NCAPD2: variants seen among roughly 807,000 people sequenced by gnomAD.
NCAPD2 encodes the protein condensin complex subunit 1.
NCAPD2 carries 100 observed loss-of-function variants against 164.5 expected under a neutral mutation model. The ratio of observed to expected loss-of-function variants is 0.61; its 90% confidence interval spans 0.52 to 0.72. The LOEUF (loss-of-function observed/expected upper bound fraction) is 0.72. Ranked by LOEUF, NCAPD2 falls within the 30% of genes least tolerant of loss-of-function variation. The pLI, the probability that NCAPD2 is intolerant of heterozygous loss-of-function variation, is 0.00. For synonymous variants in NCAPD2, 585 were observed against 642.6 expected (o/e 0.91, Z 1.36); for missense variants, 1,560 against 1,749.2 (o/e 0.89, Z 1.93).
chr12:6,519,785 T>C (rs1310431057), intron 13 of NCAPD2, among the ~76,000 whole-genome samples: 2 of 152,012 alleles, frequency 1.3e-5, no homozygotes, highest in African/African-American at 4.8e-5. Flanking sequence ...GGAGAATTGC[T>C]TGAACCCAGG....
intron 2 of NCAPD2, among the ~76,000 whole-genome samples, chr12:6,504,210 T>TACATATATAC (rs1565539591): frequency 9.0e-5 from 2 of 22,116 alleles, no homozygotes; most frequent in South Asian, 9.5e-4. Context: ...TATATATATA[T>TACATATATAC]ATATATAGAT....
At chr12:6,526,750 GCCAGTTC>G in intron 21 of NCAPD2, 134 bp from the exon 22 acceptor site, 7 of 1,428,660 alleles carry the variant, frequency 4.9e-6, no homozygotes, top group Non-Finnish European at 6.7e-6. Flanking sequence ...TTGAAGTTGG[GCCAGTTC>G]CCACCCCCAA....
chr12:6,505,141 C>T (rs539100531), intron 2 of NCAPD2, among the ~76,000 whole-genome samples: 6 of 152,350 alleles, frequency 3.9e-5, no homozygotes, highest in African/African-American at 1.2e-4. Flanking sequence ...TCTCGACTCA[C>T]TGGAACCTCC....
chr12:6,510,825 T>G lies in NCAPD2; in HGVS notation c.444+15T>G, dbSNP rs1358667565. ...TTGGTGGGAAGGTAATTTGGAGTTT[T>G]GGGCTCACGTTATATGGGGTCTGGG... On this transcript the variant is annotated intron_variant, in intron 5 of 31. Coordinates refer to ENST00000315579, the MANE Select transcript of NCAPD2 (RefSeq NM_014865.4). 1.9e-6 allele frequency: 3 copies of G among 1,613,506 alleles called. No homozygotes were observed. Among genetic ancestry groups the G allele is most frequent in the African/African-American group, 2.7e-5 (2 of 74,906 alleles).
At position 6,530,034 on chromosome 12, in the gene NCAPD2, C is replaced by A; in HGVS notation, c.3837+76C>A. Reference sequence around the variant, plus strand: ...ACATCTGCCGGCCCTGGGCAGCATACGGCTCTTGCAGTCACCTTCCCGTCC... The same window carrying A: ...ACATCTGCCGGCCCTGGGCAGCATAAGGCTCTTGCAGTCACCTTCCCGTCC... On this transcript the variant is annotated intron_variant, in intron 29 of 31. Transcript: ENST00000315579. 3 of 1,498,180 alleles carry A rather than the reference C, an allele frequency of 2.0e-6. No homozygotes were observed. In the Admixed American group the frequency reaches 5.9e-5, roughly 29 times the overall value. 92.8% of individuals were successfully genotyped at this position (1,498,180 alleles called of 1,614,324 possible). A position where few individuals can be genotyped will look rare whatever the true frequency, so the allele number is the denominator to read the frequency against.
At position 6,528,292 on chromosome 12, in the gene NCAPD2, A is replaced by G. The variant is rs757688351; in HGVS notation, c.3263A>G (p.Asn1088Ser). The part of the protein sequence containing the change: ...ATGDLAIRFP[N>S]LVDPWTPHLY... ...GGGGATCTGGCCATCCGCTTTCCCA[A>G]TCTGGTGGACCCCTGGACTCCTCAT... The change falls in exon 25 of 32, where the codon AAT (asparagine) becomes AGT (serine). Residue 1088 changes from asparagine (N) to serine (S), a missense_variant. Coordinates refer to ENST00000315579, the MANE Select transcript of NCAPD2 (RefSeq NM_014865.4). This position sits in a 1 kb window ranked among gnomAD's most constrained non-coding sequence, Gnocchi z 5.1. 6 of 1,613,586 alleles carry G rather than the reference A, an allele frequency of 3.7e-6. No individual in the cohort carries two copies. Among genetic ancestry groups the G allele is most frequent in the Middle Eastern group, 1.6e-4 (1 of 6,078 alleles).
chr12:6,502,455 A>G (rs1946047004), intron 2 of NCAPD2, among the ~76,000 whole-genome samples: 1 of 152,210 alleles, frequency 6.6e-6, no homozygotes, highest in Non-Finnish European at 1.5e-5. Context: ...TCAGGTTAGT[A>G]GTCATGAGTT....
intron 4 of NCAPD2, 160 bp from the exon 5 acceptor site, chr12:6,510,469 A>G (rs776375041): frequency 1.2e-6 from 1 of 867,038 alleles, no homozygotes; most frequent in Non-Finnish European, 2.0e-6. Flanking sequence ...TGTTCAGGGT[A>G]TCAGGGCCAA....
chr12:6,517,253 A>C, intron 10 of NCAPD2, 112 bp from the exon 11 acceptor site: 2 of 1,470,210 alleles, frequency 1.4e-6, no homozygotes, highest in Non-Finnish European at 1.8e-6. Context: ...ATTCTGTAGA[A>C]AGGGTTTTTA....
At chr12:6,495,905 C>T (rs952106595) in intron 2 of NCAPD2, among the ~76,000 whole-genome samples, 2 of 152,024 alleles carry the variant, frequency 1.3e-5, no homozygotes, top group Non-Finnish European at 2.9e-5. Flanking sequence ...GCCTTGGTTT[C>T]GTCATCTGTA....
intron 3 of NCAPD2, 97 bp from the exon 4 acceptor site, chr12:6,509,978 T>A (rs1946131000): frequency 7.2e-7 from 1 of 1,396,492 alleles, no homozygotes. Context: ...TTCACGTGTA[T>A]TTTTAAACAT....
chr12:6,522,104 T>A, intron 15 of NCAPD2, 67 bp downstream of exon 15: 1 of 1,537,402 alleles, frequency 6.5e-7, no homozygotes, highest in South Asian at 1.2e-5. Flanking sequence ...TTTTTTAAAT[T>A]TTTATTAACA....
chr12:6,517,030 C>T lies in NCAPD2; in HGVS notation c.1185+5C>T, dbSNP rs1946208382. The T allele has an allele frequency of 6.2e-7, 1 of 1,613,896 alleles. No individual in the cohort carries two copies. The highest frequency in any genetic ancestry group is 1.7e-5 in the Admixed American group (1 of 60,004). On this transcript the variant is annotated splice_donor_5th_base_variant and intron_variant, in intron 10 of 31. Transcript: ENST00000315579. Reference sequence around the variant, plus strand: ...ACCCGAATTGTCCAGCAGAAGGTAACCAACTTCTATGTGGCAAAAACATAT... The same window carrying T: ...ACCCGAATTGTCCAGCAGAAGGTAATCAACTTCTATGTGGCAAAAACATAT...
chr12:6,515,926 T>C (rs937956345), intron 9 of NCAPD2, among the ~76,000 whole-genome samples: 1 of 152,130 alleles, frequency 6.6e-6, no homozygotes, highest in Non-Finnish European at 1.5e-5. Context: ...GTGTGGTGGC[T>C]CACGCCTGTA....
intron 16 of NCAPD2, 72 bp downstream of exon 16, chr12:6,523,074 A>C: frequency 1.9e-6 from 3 of 1,567,204 alleles, no homozygotes; most frequent in Admixed American, 1.7e-5. Context: ...TTGTCTCCTA[A>C]AGGAAGAGGT....
At chr12:6,529,241 A>T (rs1035875267) in intron 27 of NCAPD2, 1 of 616,276 alleles carries the variant, frequency 1.6e-6, no homozygotes. Flanking sequence ...AAATACGATA[A>T]AGTTCCTAAC....
chr12:6,529,664 C>T (rs1946353224), intron 28 of NCAPD2, 71 bp downstream of exon 28: 6 of 1,602,150 alleles, frequency 3.7e-6, no homozygotes, highest in East Asian at 2.2e-5. Context: ...CATCCCTCAC[C>T]CCTTCAATGC....
Position 6,523,317 on chromosome 12 carries a change from G to C in NCAPD2, c.2185G>C (p.Val729Leu). ...CTCTCTGCTGCTAGTGGATGCCTCG[G>C]TTGGGACCATTCAGTGTCTTGAGGA... ...NLSLLLVDAS[V>L]GTIQCLEEIL... Residue 729 changes from valine to leucine, a missense_variant, in exon 17 of 32, where the codon GTT becomes CTT. Transcript: ENST00000315579. 6.2e-7 allele frequency: 1 copy of C among 1,613,992 alleles called. No individual in the cohort carries two copies. The highest frequency in any genetic ancestry group is 2.2e-5 in the East Asian group (1 of 44,888).
In NCAPD2 at chr12:6,531,510, T is replaced by TAAA; in HGVS notation, c.*98_*99insAAA. ...TAAAATATTTGTCTGTCTCTTTTTT[T>TAAA]TAAAAAAAAAAAAGGCCGGGCACTG... On this transcript the variant is annotated 3_prime_UTR_variant, in exon 32 of 32. Transcript: ENST00000315579. This position sits in a 1 kb window ranked among gnomAD's most constrained non-coding sequence, Gnocchi z 4.1. The TAAA allele has an allele frequency of 2.1e-6, 3 of 1,457,364 alleles. No homozygotes were observed. The highest frequency in any genetic ancestry group is 2.5e-5 in the South Asian group (2 of 79,418). 90.3% of individuals were successfully genotyped at this position (1,457,364 alleles called of 1,614,324 possible).
Sources: gnomAD v4.1 joint callset for allele counts (sites outside exome capture counted in the v4.1 genomes callset) on GRCh38, gnomAD v4.1.1 for gene constraint, Gnocchi (gnomAD v3.1) non-coding constraint, MANE v1.5 for transcripts, NCBI Gene and HGNC (gene_info 2026-07-23, HGNC 2026-07-21) for gene names.